PLRG1: variants seen among roughly 807,000 people sequenced by gnomAD.
The protein encoded by PLRG1 is pleiotropic regulator 1.
In PLRG1, 28 loss-of-function variants were observed where a neutral mutation model predicts 74.9. The ratio of observed to expected loss-of-function variants is 0.37; its 90% confidence interval spans 0.28 to 0.51. PLRG1 has a LOEUF of 0.51. PLRG1 is among the 20% of genes least tolerant of loss of function. The pLI, the probability that PLRG1 is intolerant of heterozygous loss-of-function variation, is 0.91. For synonymous variants in PLRG1, 197 were observed against 212.4 expected, an observed-to-expected ratio of 0.93 and a Z score of 0.63; for missense variants, 445 against 631.9, an observed-to-expected ratio of 0.70 and a Z score of 3.17.
rs371994884 is a variant in PLRG1, at chr4:154,536,703, G to C, written c.1527C>G (p.Ile509Met). The C allele has an allele frequency of 3.3e-6, 5 of 1,521,466 alleles. No homozygotes were observed. Among genetic ancestry groups the C allele is most frequent in the Non-Finnish European group, 4.5e-6 (5 of 1,114,146 alleles). The allele number at this position is 1,521,466 out of a possible 1,614,324, so 94.2% of individuals were successfully genotyped here. A position where few individuals can be genotyped will look rare whatever the true frequency, so the allele number is the denominator to read the frequency against. ...ACATTCATTAAAATCTCTTTCTCTT[G>C]ATAATTTCTGGTTTCCAGCTGACTG... ...THPVSWKPEIIKRKRF is the reference protein window; with the variant it reads ...THPVSWKPEIMKRKRF The change falls in exon 15 of 15, where the codon ATC becomes ATG. Residue 509 changes from isoleucine to methionine, a missense_variant. Transcript: ENST00000499023.
chr4:154,538,946 G>A lies in PLRG1; in HGVS notation c.1151+159C>T, dbSNP rs188736844. On this transcript the variant is annotated intron_variant, in intron 12 of 14. Transcript: ENST00000499023. ...TTTATAGGGCATGAAGCAAAATAGT[G>A]CATGAGGAAAATAAAAGAAACACAC... 13 of 564,348 alleles carry A rather than the reference G, an allele frequency of 2.3e-5. No homozygotes were observed. In the East Asian group the frequency reaches 3.3e-4, roughly 14 times the overall value. 35.0% of individuals were successfully genotyped at this position (564,348 alleles called of 1,614,324 possible).
intron 1 of PLRG1, 138 bp downstream of exon 1, chr4:154,550,162 C>A (rs1379070004): frequency 1.1e-5 from 9 of 815,390 alleles, no homozygotes; most frequent in Non-Finnish European, 1.7e-5. Context: ...GAAGAAGAGA[C>A]CACTCGGCCT....
At chr4:154,547,319 T>C (rs1729676511) in intron 3 of PLRG1, among the ~76,000 whole-genome samples, 1 of 152,186 alleles carries the variant, frequency 6.6e-6, no homozygotes, top group Non-Finnish European at 1.5e-5. Context: ...CTGGTATTTC[T>C]TCCAAGCAAA....
At chr4:154,540,131 G>T (rs1729529084) in intron 10 of PLRG1, 78 bp from the exon 11 acceptor site, 1 of 812,922 alleles carries the variant, frequency 1.2e-6, no homozygotes, top group Non-Finnish European at 2.1e-6. Flanking sequence ...TCAATTCAAG[G>T]CTGAAAATTT....
chr4:154,539,269 A>G (rs1729510504), intron 11 of PLRG1, 56 bp from the exon 12 acceptor site: 4 of 1,015,024 alleles, frequency 3.9e-6, no homozygotes, highest in Non-Finnish European at 6.2e-6. Context: ...ATAATGCAAA[A>G]GTTAAATAAA....
rs148869411 is a variant in PLRG1, at chr4:154,547,629, G to T, written c.259+82C>A. 1.7e-5 allele frequency: 22 copies of T among 1,291,218 alleles called. No individual in the cohort carries two copies. The African/African-American group carries it at 3.2e-4, about 19-fold the overall frequency. The allele number at this position is 1,291,218 out of a possible 1,614,324, so 80.0% of individuals were successfully genotyped here. A position where few individuals can be genotyped will look rare whatever the true frequency, so the allele number is the denominator to read the frequency against. On this transcript the variant is annotated intron_variant, in intron 3 of 14. Transcript: ENST00000499023. Reference sequence around the variant, plus strand: ...GTACGACCACAATAAGTCCTGCCAGGAGGGGCAAAAATAACATATTTTATT... The same window carrying T: ...GTACGACCACAATAAGTCCTGCCAGTAGGGGCAAAAATAACATATTTTATT...
intron 7 of PLRG1, 103 bp from the exon 8 acceptor site, chr4:154,542,382 A>C: frequency 1.4e-6 from 1 of 692,868 alleles, no homozygotes; most frequent in Non-Finnish European, 2.7e-6. Flanking sequence ...TTCAAATCAT[A>C]AAAGATAATG....
intron 12 of PLRG1, 42 bp from the exon 13 acceptor site, chr4:154,538,150 G>T: frequency 9.2e-7 from 1 of 1,081,326 alleles, no homozygotes; most frequent in South Asian, 2.0e-5. Context: ...AGTAAACCAA[G>T]TTAAATAAAG....
intron 6 of PLRG1, among the ~76,000 whole-genome samples, chr4:154,545,632 A>G (rs574828631): frequency 2.0e-5 from 3 of 152,332 alleles, no homozygotes; most frequent in Admixed American, 6.5e-5. Context: ...ATCAAAATAT[A>G]TATTACACAC....
At chr4:154,542,356 G>C (rs1159987411) in intron 7 of PLRG1, 77 bp from the exon 8 acceptor site, 1 of 802,402 alleles carries the variant, frequency 1.2e-6, no homozygotes, top group East Asian at 2.6e-5. Context: ...GCCCGAGTTT[G>C]AATTGCCCTC....
rs1371648093 is a variant in PLRG1, at chr4:154,535,860, T to C, written c.*825A>G. ...AGTTGAGGAATAAAATCCATACTTA[T>C]ATGAGCTTTCCCCAGAACAAGCCAG... On this transcript the variant is annotated 3_prime_UTR_variant, in exon 15 of 15. Transcript: ENST00000499023. 2.1e-5 allele frequency: 3 copies of C among 143,518 alleles called. No homozygotes were observed. Among genetic ancestry groups the C allele is most frequent in the East Asian group, 2.1e-4 (1 of 4,762 alleles). 8.9% of individuals were successfully genotyped at this position (143,518 alleles called of 1,614,324 possible).
rs143902767 is a variant in PLRG1 at position 154,539,360 on chromosome 4, T to A, written c.1043-147A>T. ...AAATTAGTCTTGGCTAATTTCTTCA[T>A]AGTTCCAAATTTTTAGGTTGATTTT... is the stretch of plus-strand genomic sequence containing the variant. On this transcript the variant is annotated intron_variant, in intron 11 of 14. Transcript: ENST00000499023. 2.3e-3 allele frequency: 1,347 copies of A among 579,000 alleles called. 19 individuals carry two copies. Among genetic ancestry groups the A allele is most frequent in the African/African-American group, 0.023 (1,223 of 53,558 alleles). The allele number at this position is 579,000 out of a possible 1,614,324, so 35.9% of individuals were successfully genotyped here.
intron 8 of PLRG1, 152 bp downstream of exon 8, chr4:154,542,035 A>G (rs777603163): frequency 6.4e-5 from 38 of 597,716 alleles, no homozygotes; most frequent in African/African-American, 1.3e-4. Flanking sequence ...TATTTAGAAC[A>G]CTTATTAGTA....
Position 154,538,119 on chromosome 4 carries a change from A to G in PLRG1, c.1152-11T>C, listed in dbSNP as rs1333566046. ...GATGCAAATGTGTAACTGAAATAATATTAAAAAGAATTAACGACAAAGTAA... is the reference window on the plus strand; with the variant it reads ...GATGCAAATGTGTAACTGAAATAATGTTAAAAAGAATTAACGACAAAGTAA... On this transcript the variant is annotated splice_polypyrimidine_tract_variant and intron_variant, in intron 12 of 14. Coordinates refer to ENST00000499023, the MANE Select transcript of PLRG1 (RefSeq NM_002669.4). 7 of 1,366,036 alleles carry G rather than the reference A, an allele frequency of 5.1e-6. No individual in the cohort carries two copies. The highest frequency in any genetic ancestry group is 7.0e-6 in the Non-Finnish European group (7 of 997,212). The allele number at this position is 1,366,036 out of a possible 1,614,324, so 84.6% of individuals were successfully genotyped here.
At chr4:154,543,022 G>A (rs567212068) in intron 7 of PLRG1, among the ~76,000 whole-genome samples, 1 of 152,258 alleles carries the variant, frequency 6.6e-6, no homozygotes, top group South Asian at 2.1e-4. Context: ...GCACAATAGA[G>A]TGACTACAGT....
intron 12 of PLRG1, among the ~76,000 whole-genome samples, chr4:154,538,430 T>C (rs1484917042): frequency 6.6e-6 from 1 of 151,768 alleles, no homozygotes; most frequent in East Asian, 1.9e-4. Context: ...GCAACTCTTT[T>C]GGAGGGAGGG....
rs1416699866 is a variant in PLRG1, at chr4:154,537,345, G to A, written c.1426C>T (p.Arg476Ter). The A allele has an allele frequency of 6.2e-7, 1 of 1,612,902 alleles. No individual in the cohort carries two copies. Among genetic ancestry groups the A allele is most frequent in the Non-Finnish European group, 8.5e-7 (1 of 1,179,268 alleles). ...FACAFDQSESRLLTAEADKTI... is the reference protein window; with the variant it reads ...FACAFDQSES ...TTATCAGCTTCAGCTGTTAGTAATC[G>A]ACTTTCAGACTGATCAAAAGCACAA... The change falls in exon 14 of 15, where the codon CGA (arginine) becomes TGA (stop). Residue 476 changes from arginine to a stop codon, truncating the protein, a stop_gained. Coordinates refer to ENST00000499023, the MANE Select transcript of PLRG1 (RefSeq NM_002669.4). LOFTEE classifies it high-confidence loss of function.
In PLRG1 at chr4:154,544,559, G is replaced by T. The variant is rs746944358; in HGVS notation, c.493-13C>A. ...TCTCCATGACAATCTAGACATAGAA[G>T]AGACATTATTATTATTAAAGACATC... On this transcript the variant is annotated splice_polypyrimidine_tract_variant and intron_variant, in intron 6 of 14. Transcript: ENST00000499023. 3 of 1,436,788 alleles carry T rather than the reference G, an allele frequency of 2.1e-6. No homozygotes were observed. In the South Asian group the frequency reaches 3.4e-5, roughly 17 times the overall value. 89.0% of individuals were successfully genotyped at this position (1,436,788 alleles called of 1,614,324 possible).
intron 11 of PLRG1, among the ~76,000 whole-genome samples, 157 bp from the exon 12 acceptor site, chr4:154,539,370 T>A (rs1729512284): frequency 6.6e-6 from 1 of 152,150 alleles, no homozygotes; most frequent in South Asian, 2.1e-4. Context: ...TAGTTCCAAA[T>A]TTTTAGGTTG....
Sources: gnomAD v4.1 joint callset for allele counts (sites outside exome capture counted in the v4.1 genomes callset) on GRCh38, gnomAD v4.1.1 for gene constraint, MANE v1.5 for transcripts, NCBI Gene and HGNC (gene_info 2026-07-23, HGNC 2026-07-21) for gene names.